HSPB8: variants seen among roughly 807,000 people sequenced by gnomAD.
HSPB8 encodes the protein heat shock protein beta-8.
HSPB8 carries 9 observed loss-of-function variants against 16.5 expected under a neutral mutation model. The observed-to-expected ratio is 0.55, with a 90% CI of 0.33 to 0.95. The LOEUF is 0.95. HSPB8 is among the 40% of genes least tolerant of loss of function. The pLI, the probability that HSPB8 is intolerant of heterozygous loss-of-function variation, is 0.03. For synonymous variants in HSPB8, 99 were observed against 94.8 expected (o/e 1.04, Z -0.26); for missense variants, 238 against 251.2 (o/e 0.95, Z 0.35).
chr12:119,192,177 A>G (rs1954716628), intron 2 of HSPB8, among the ~76,000 whole-genome samples: 1 of 152,228 alleles, frequency 6.6e-6, no homozygotes, highest in African/African-American at 2.4e-5. Flanking sequence ...AAAATACCTT[A>G]TTAGAAGTTG....
intron 1 of HSPB8, among the ~76,000 whole-genome samples, chr12:119,181,369 G>A (rs1954636227): frequency 6.6e-6 from 1 of 152,176 alleles, no homozygotes; most frequent in African/African-American, 2.4e-5. Context: ...AGCAGGGAGG[G>A]GTTTTCCAGG....
At chr12:119,185,122 T>C (rs1335054412) in intron 1 of HSPB8, among the ~76,000 whole-genome samples, 1 of 151,818 alleles carries the variant, frequency 6.6e-6, no homozygotes, top group Non-Finnish European at 1.5e-5. Flanking sequence ...GTAGTTTTGA[T>C]GGCTTTTTTT....
intron 1 of HSPB8, among the ~76,000 whole-genome samples, chr12:119,184,730 C>T (rs1663516087): frequency 1.3e-5 from 2 of 151,800 alleles, no homozygotes; most frequent in African/African-American, 2.4e-5. Context: ...TCAGTTAATC[C>T]TAAAGAAGTC....
At chr12:119,183,493 C>G (rs11064695) in intron 1 of HSPB8, among the ~76,000 whole-genome samples, 14,508 of 152,192 alleles carry the variant, frequency 0.095, 921 homozygotes, top group East Asian at 0.22. Context: ...AGTGTTCCAC[C>G]TACATTTCTC....
rs1954734144 is a variant in HSPB8 at position 119,194,641 on chromosome 12, C to T, written c.*783C>T. 4.4e-5 allele frequency: 9 copies of T among 205,756 alleles called. No homozygotes were observed. The highest frequency in any genetic ancestry group is 3.5e-4 in the South Asian group (2 of 5,762). The allele number at this position is 205,756 out of a possible 1,614,324, so 12.7% of individuals were successfully genotyped here. ...AGGCTAGTGGTATTGTGTATATGGGCGGGACGTGTGTGTCATTATTATTTG... is the reference window on the plus strand; with the variant it reads ...AGGCTAGTGGTATTGTGTATATGGGTGGGACGTGTGTGTCATTATTATTTG... On this transcript the variant is annotated 3_prime_UTR_variant, in exon 3 of 3. Coordinates refer to ENST00000281938, the MANE Select transcript of HSPB8 (RefSeq NM_014365.3).
chr12:119,179,657 AG>A lies in HSPB8; in HGVS notation c.346del (p.Asp116MetfsTer37). On this transcript the variant is annotated frameshift_variant, in exon 1 of 3. Transcript: ENST00000281938. LOFTEE classifies it high-confidence loss of function. Reference protein sequence around the residue: ...KPEELMVKTKDGYVEVSGKHE... With the variant: ...KPEELMVKTKXGYVEVSGKHE... ...CAGAGGAGTTGATGGTGAAGACCAAAGATGGATACGTGGAGGTGTCTGGTAA... is the reference window on the plus strand; with the variant it reads ...CAGAGGAGTTGATGGTGAAGACCAAAATGGATACGTGGAGGTGTCTGGTAA... 1 of 1,586,878 alleles carries A rather than the reference AG, an allele frequency of 6.3e-7. No homozygotes were observed.
chr12:119,184,964 C>G (rs1954665334), intron 1 of HSPB8, among the ~76,000 whole-genome samples: 1 of 152,048 alleles, frequency 6.6e-6, no homozygotes, highest in Non-Finnish European at 1.5e-5. Context: ...AAAATAAGTT[C>G]CAAACATAAT....
chr12:119,183,394 C>A (rs767638142), intron 1 of HSPB8: 7 of 152,140 alleles, frequency 4.6e-5, no homozygotes, highest in African/African-American at 1.4e-4. Flanking sequence ...GACTGGAAAG[C>A]CCCAAGGCCT....
At chr12:119,190,494 G>A (rs575357090) in intron 2 of HSPB8, among the ~76,000 whole-genome samples, 5 of 152,182 alleles carry the variant, frequency 3.3e-5, no homozygotes, top group Non-Finnish European at 7.4e-5. Context: ...GGAGGAGAGG[G>A]AGAGGTCTTG....
intron 2 of HSPB8, among the ~76,000 whole-genome samples, chr12:119,188,098 C>G (rs1350758737): frequency 6.6e-6 from 1 of 152,162 alleles, no homozygotes; most frequent in Non-Finnish European, 1.5e-5. Flanking sequence ...CTGGCAGTAC[C>G]TATAGGGAGC....
intron 2 of HSPB8, among the ~76,000 whole-genome samples, chr12:119,191,097 A>G (rs976328232): frequency 7.2e-5 from 11 of 152,224 alleles, no homozygotes; most frequent in African/African-American, 1.9e-4. Context: ...TGCAATTTGT[A>G]TGATACTCCA....
intron 2 of HSPB8, among the ~76,000 whole-genome samples, chr12:119,189,632 A>G (rs1406956997): frequency 6.6e-6 from 1 of 152,130 alleles, no homozygotes; most frequent in Non-Finnish European, 1.5e-5. Flanking sequence ...TCAAGCTCCT[A>G]TGAGAATCTA....
chr12:119,182,617 A>C (rs1954646255), intron 1 of HSPB8, among the ~76,000 whole-genome samples: 1 of 152,170 alleles, frequency 6.6e-6, no homozygotes, highest in African/African-American at 2.4e-5. Flanking sequence ...CAGCCTGGGC[A>C]ACAAGAAAGA....
Position 119,187,177 on chromosome 12 carries a change from C to T in HSPB8, c.431+89C>T, listed in dbSNP as rs1288554880. On this transcript the variant is annotated intron_variant, in intron 2 of 2. Coordinates refer to ENST00000281938, the MANE Select transcript of HSPB8 (RefSeq NM_014365.3). Reference sequence around the variant, plus strand: ...TGATCTGGGGTCTCTCCCTCTTGGGCATCTCTCTTTTAAGACACCTCCTTG... The same window carrying T: ...TGATCTGGGGTCTCTCCCTCTTGGGTATCTCTCTTTTAAGACACCTCCTTG... The T allele has an allele frequency of 3.8e-6, 4 of 1,054,788 alleles. No individual in the cohort carries two copies. In the African/African-American group the frequency reaches 6.3e-5, roughly 17 times the overall value. 65.3% of individuals were successfully genotyped at this position (1,054,788 alleles called of 1,614,324 possible). A position where few individuals can be genotyped will look rare whatever the true frequency, so the allele number is the denominator to read the frequency against.
Position 119,179,219 on chromosome 12 carries a change from TA to T in HSPB8, c.-92del. 7.5e-7 allele frequency: 1 copy of T among 1,337,752 alleles called. No homozygotes were observed. The allele number at this position is 1,337,752 out of a possible 1,614,324, so 82.9% of individuals were successfully genotyped here. On this transcript the variant is annotated 5_prime_UTR_variant, in exon 1 of 3. Coordinates refer to ENST00000281938, the MANE Select transcript of HSPB8 (RefSeq NM_014365.3). Reference sequence around the variant, plus strand: ...AGCAGCATTTTCGGAAGCTGAAGAATAAGCTAGCCCAGCCACACCACCTTGT... The same window carrying T: ...AGCAGCATTTTCGGAAGCTGAAGAATAGCTAGCCCAGCCACACCACCTTGT...
intron 1 of HSPB8, among the ~76,000 whole-genome samples, chr12:119,184,030 G>A (rs1954656495): frequency 6.6e-6 from 1 of 152,174 alleles, no homozygotes. Flanking sequence ...CCATTTCAGA[G>A]AAGAATAAAC....
intron 2 of HSPB8, 122 bp downstream of exon 2, chr12:119,187,210 G>A (rs1954682282): frequency 1.3e-6 from 1 of 777,426 alleles, no homozygotes; most frequent in African/African-American, 1.7e-5. Context: ...TTGGGGCAGG[G>A]AATTGAACCC....
intron 2 of HSPB8, among the ~76,000 whole-genome samples, chr12:119,187,657 G>A (rs935771879): frequency 6.6e-6 from 1 of 152,060 alleles, no homozygotes; most frequent in Non-Finnish European, 1.5e-5. Context: ...TGCACCCGGG[G>A]AACAACTCCC....
intron 1 of HSPB8, among the ~76,000 whole-genome samples, chr12:119,180,402 T>C (rs1428782041): frequency 1.3e-5 from 2 of 152,126 alleles, no homozygotes; most frequent in Non-Finnish European, 2.9e-5. Context: ...GAAGTGATGA[T>C]TTACTGAGCA....
Sources: gnomAD v4.1 joint callset for allele counts (sites outside exome capture counted in the v4.1 genomes callset) on GRCh38, gnomAD v4.1.1 for gene constraint, MANE v1.5 for transcripts, NCBI Gene and HGNC (gene_info 2026-07-23, HGNC 2026-07-21) for gene names.